Variants in HMX1 observed in about 807,000 individuals in gnomAD.
The protein encoded by HMX1 is H6 family homeobox 1.
Under a neutral mutation model 8.9 loss-of-function variants are expected in HMX1, and 8 were observed. The observed-to-expected ratio is 0.90, with a 90% CI of 0.53 to 1.63. The LOEUF (loss-of-function observed/expected upper bound fraction) is 1.63. HMX1 is among the 40% of genes most tolerant of loss of function. HMX1 has a pLI of 0.00. For synonymous variants in HMX1, 311 were observed against 283.4 expected, an observed-to-expected ratio of 1.10 and a Z score of -0.98; for missense variants, 621 against 558.5, an observed-to-expected ratio of 1.11 and a Z score of -1.13.
intron 1 of HMX1, among the ~76,000 whole-genome samples, chr4:8,857,394 G>A (rs908417120): frequency 2.6e-5 from 4 of 152,170 alleles, no homozygotes; most frequent in African/African-American, 4.8e-5. Flanking sequence ...GTAGGAGGCA[G>A]GAGGCGGGGT....
At chr4:8,860,581 C>T in intron 1 of HMX1, 1 of 152,492 alleles carries the variant, frequency 6.6e-6, no homozygotes. Context: ...CCCGAAGGGG[C>T]CAGGCGGCAG....
At chr4:8,850,205 G>T (rs1721402977) in intron 1 of HMX1, among the ~76,000 whole-genome samples, 1 of 152,086 alleles carries the variant, frequency 6.6e-6, no homozygotes, top group Non-Finnish European at 1.5e-5. Context: ...GGAAACCCAG[G>T]TTCAGCCCAG....
At chr4:8,864,432 C>T (rs894323075), downstream of HMX1, among the ~76,000 whole-genome samples, 5 of 152,154 alleles carry the variant, frequency 3.3e-5, no homozygotes, top group Non-Finnish European at 7.4e-5. Flanking sequence ...TGGGTGGAAC[C>T]CGCGAGGGGG....
chr4:8,856,147 G>A (rs1247432910), intron 1 of HMX1, among the ~76,000 whole-genome samples: 1 of 152,244 alleles, frequency 6.6e-6, no homozygotes, highest in East Asian at 1.9e-4. Flanking sequence ...AATGGAGAGA[G>A]GGAGGGAAGG....
intron 1 of HMX1, among the ~76,000 whole-genome samples, chr4:8,846,546 G>A (rs1487054962): frequency 6.6e-6 from 1 of 152,216 alleles, no homozygotes; most frequent in Non-Finnish European, 1.5e-5. Context: ...GAACCCAGGT[G>A]TAACAGGCTC....
chr4:8,846,178 C>T (rs1721269217), exon 2 of HMX1: 1 of 1,274,736 alleles, frequency 7.8e-7, no homozygotes, highest in Non-Finnish European at 1.1e-6. Flanking sequence ...AAAGGCTCCA[C>T]CGTGTTGTGG....
At chr4:8,859,531 A>T (rs1721726228) in intron 1 of HMX1, among the ~76,000 whole-genome samples, 1 of 152,108 alleles carries the variant, frequency 6.6e-6, no homozygotes, top group Non-Finnish European at 1.5e-5. Flanking sequence ...AGCCCGCTGG[A>T]AGAGGGAGAG....
chr4:8,863,149 G>C (rs1036600483), downstream of HMX1, among the ~76,000 whole-genome samples: 1 of 152,200 alleles, frequency 6.6e-6, no homozygotes, highest in Non-Finnish European at 1.5e-5. Context: ...TGAGTGCACA[G>C]GCGGGGAGGA....
chr4:8,861,100 A>G (rs146436485), intron 1 of HMX1, among the ~76,000 whole-genome samples: 10,622 of 152,082 alleles, frequency 0.07, 1,118 homozygotes, highest in African/African-American at 0.22. Flanking sequence ...GGGGTCCCGG[A>G]CACAGCGGAG....
At chr4:8,869,318 A>G (rs1051864116) in intron 1 of HMX1, among the ~76,000 whole-genome samples, 1 of 152,226 alleles carries the variant, frequency 6.6e-6, no homozygotes, top group African/African-American at 2.4e-5. Flanking sequence ...CAGATTGAAG[A>G]GGGCAGCAGC....
At chr4:8,857,875 C>T (rs1344228081) in intron 1 of HMX1, among the ~76,000 whole-genome samples, 6 of 152,130 alleles carry the variant, frequency 3.9e-5, no homozygotes, top group African/African-American at 1.4e-4. Context: ...CGCGCCGTGC[C>T]GAGCCCCGGG....
chr4:8,849,527 C>CA lies in HMX1; in HGVS notation c.395-3204dup, dbSNP rs1252613894. ...CACAGCCCGACCGACGCCTGGGGCTCAGACTTGTGGTCCCCAGAACTGCAA... is the reference window on the plus strand; with the variant it reads ...CACAGCCCGACCGACGCCTGGGGCTCAAGACTTGTGGTCCCCAGAACTGCAA... On this transcript the variant is annotated intron_variant, in intron 1 of 1. Transcript: ENST00000506970. This position sits in a 1 kb window ranked among gnomAD's most constrained non-coding sequence, Gnocchi z 6.6. Among the ~76,000 whole-genome samples the CA allele has an allele frequency of 6.6e-6, 1 of 152,108 alleles. No homozygotes were observed. The highest frequency in any genetic ancestry group is 1.5e-5 in the Non-Finnish European group (1 of 68,028).
At chr4:8,858,922 T>TGGG (rs1204709447) in intron 1 of HMX1, 1 of 152,160 alleles carries the variant, frequency 6.6e-6, no homozygotes, top group African/African-American at 2.4e-5. Context: ...GTGGTGGTGG[T>TGGG]GGTGGGGGGT....
rs931021553 is a variant in HMX1, at chr4:8,849,400, G to A, written c.395-3076C>T. Among the ~76,000 whole-genome samples the A allele has an allele frequency of 4.6e-5, 7 of 151,754 alleles. No individual in the cohort carries two copies. The highest frequency in any genetic ancestry group is 1.2e-4 in the African/African-American group (5 of 41,292). On this transcript the variant is annotated intron_variant, in intron 1 of 1. Transcript: ENST00000506970. This position sits in a 1 kb window ranked among gnomAD's most constrained non-coding sequence, Gnocchi z 6.6. ...GGCAGCGTGAAGCCAAGGAGAAGGC[G>A]GGCACTCAGCTGGCACCACGTGGCC...
At chr4:8,866,274 G>C (rs573128466), downstream of HMX1, among the ~76,000 whole-genome samples, 7 of 152,218 alleles carry the variant, frequency 4.6e-5, no homozygotes, top group African/African-American at 1.7e-4. Flanking sequence ...CGTATGGCCC[G>C]GCTGCTGCCC....
At chr4:8,858,245 G>A (rs1407478910) in intron 1 of HMX1, among the ~76,000 whole-genome samples, 5 of 152,140 alleles carry the variant, frequency 3.3e-5, no homozygotes, top group Non-Finnish European at 7.3e-5. Context: ...CTGGAGCCCC[G>A]AGAGCGCTCT....
intron 1 of HMX1, among the ~76,000 whole-genome samples, chr4:8,859,501 T>C (rs1721725109): frequency 6.6e-6 from 1 of 152,034 alleles, no homozygotes; most frequent in Non-Finnish European, 1.5e-5. Context: ...GGGTACTGCC[T>C]CTCAGACCCC....
intron 1 of HMX1, among the ~76,000 whole-genome samples, chr4:8,850,891 C>T (rs1721427752): frequency 6.6e-6 from 1 of 152,192 alleles, no homozygotes; most frequent in East Asian, 1.9e-4. Flanking sequence ...AGGACAGTGC[C>T]CACATGTGCT....
At chr4:8,863,933 C>T (rs968811954), downstream of HMX1, among the ~76,000 whole-genome samples, 1 of 152,256 alleles carries the variant, frequency 6.6e-6, no homozygotes, top group Non-Finnish European at 1.5e-5. Flanking sequence ...CCAAACACCA[C>T]CGTAGTGGCC....
Sources: gnomAD v4.1 joint callset for allele counts (sites outside exome capture counted in the v4.1 genomes callset) on GRCh38, gnomAD v4.1.1 for gene constraint, Gnocchi (gnomAD v3.1) non-coding constraint, MANE v1.5 for transcripts, NCBI Gene and HGNC (gene_info 2026-07-23, HGNC 2026-07-21) for gene names.